Variants in FBXL17 observed in about 807,000 individuals in gnomAD.
FBXL17 encodes the protein F-box and leucine rich repeat protein 17.
In FBXL17, 22 loss-of-function variants were observed where a neutral mutation model predicts 66.2. The ratio of observed to expected loss-of-function variants is 0.33; its 90% CI spans 0.24 to 0.47. The LOEUF is 0.47. FBXL17 is among the 20% of genes least tolerant of loss of function. The pLI, the probability that FBXL17 is intolerant of heterozygous loss-of-function variation, is 1.00. For missense variants in FBXL17, 878 were observed against 948.2 expected, an observed-to-expected ratio of 0.93 and a Z score of 0.97; for synonymous variants, 474 against 400.5, an observed-to-expected ratio of 1.18 and a Z score of -2.19.
chr5:108,322,130 C>A (rs1323946950), intron 4 of FBXL17, among the ~76,000 whole-genome samples: 1 of 151,892 alleles, frequency 6.6e-6, no homozygotes, highest in Non-Finnish European at 1.5e-5. Context: ...CTAAGGAAGG[C>A]AATCTGGCAA....
intron 7 of FBXL17, among the ~76,000 whole-genome samples, chr5:107,921,587 T>A (rs150797855): frequency 1.5e-3 from 221 of 152,294 alleles, no homozygotes; most frequent in African/African-American, 3.4e-3. Flanking sequence ...CAACATTTTC[T>A]TACTTACTGT....
chr5:108,228,366 C>G (rs968594827), intron 4 of FBXL17, among the ~76,000 whole-genome samples: 7 of 152,170 alleles, frequency 4.6e-5, no homozygotes, highest in African/African-American at 1.7e-4. Context: ...CTACTGGGAC[C>G]CTGGAGTCTC....
intron 8 of FBXL17, among the ~76,000 whole-genome samples, chr5:107,871,166 A>T (rs895231369): frequency 1.3e-5 from 2 of 151,958 alleles, no homozygotes; most frequent in Non-Finnish European, 2.9e-5. Context: ...AATTCAGTCA[A>T]CTTTGTCAAA....
At chr5:108,333,246 T>C (rs1301715941) in intron 4 of FBXL17, among the ~76,000 whole-genome samples, 2 of 150,962 alleles carry the variant, frequency 1.3e-5, no homozygotes, top group Admixed American at 6.6e-5. Flanking sequence ...AGACAAATAT[T>C]AATGTGAAGA....
chr5:107,958,154 A>G (rs2112621136), intron 7 of FBXL17, among the ~76,000 whole-genome samples: 1 of 152,136 alleles, frequency 6.6e-6, no homozygotes, highest in Admixed American at 6.6e-5. Context: ...AAAAAAAAGA[A>G]ACATGAGTAA....
chr5:108,018,919 T>C (rs965135133), intron 7 of FBXL17, among the ~76,000 whole-genome samples: 4 of 152,172 alleles, frequency 2.6e-5, no homozygotes, highest in Non-Finnish European at 5.9e-5. Flanking sequence ...CGTCAATATG[T>C]TTTAGAAACT....
chr5:108,163,403 T>TC (rs1554071055), intron 6 of FBXL17, among the ~76,000 whole-genome samples: 1 of 71,920 alleles, frequency 1.4e-5, no homozygotes, highest in Non-Finnish European at 3.8e-5. Context: ...TTTTTTCTTT[T>TC]TTTTTTTTTT....
chr5:107,873,319 T>TCC lies in FBXL17; in HGVS notation c.1965+7717_1965+7718insGG, dbSNP rs1363831242. 5.4e-3 allele frequency among the ~76,000 whole-genome samples: 822 copies of TCC among 152,276 alleles called. 10 individuals are homozygous for TCC. The highest frequency in any genetic ancestry group is 0.019 in the African/African-American group (790 of 41,562). ...CCAAGAGGCTGCAGGCCCCATGGGG[T>TCC]AGGGAGTATATCTTGTTCACTGTTT... On this transcript the variant is annotated intron_variant, in intron 8 of 8. Transcript: ENST00000542267.
Position 108,243,821 on chromosome 5 carries a change from G to A in FBXL17, c.1507-19593C>T, listed in dbSNP as rs563586149. ...ATATCATGTGTTATATACAAAAATA[G>A]AAAAACCAGAAATAGTATATACAAT... On this transcript the variant is annotated intron_variant, in intron 4 of 8. Transcript: ENST00000542267. Among the ~76,000 whole-genome samples, 9 of 152,154 alleles carry A rather than the reference G, an allele frequency of 5.9e-5. No homozygotes were observed. In the South Asian group the frequency reaches 1.9e-3, roughly 32 times the overall value.
At chr5:108,047,362 C>A (rs962603338) in intron 6 of FBXL17, among the ~76,000 whole-genome samples, 1 of 152,198 alleles carries the variant, frequency 6.6e-6, no homozygotes, top group African/African-American at 2.4e-5. Flanking sequence ...AGGGTCCCAA[C>A]CCCAGAGTGA....
intron 7 of FBXL17, among the ~76,000 whole-genome samples, chr5:107,971,254 T>C (rs1176342090): frequency 6.6e-6 from 1 of 152,174 alleles, no homozygotes; most frequent in African/African-American, 2.4e-5. Flanking sequence ...CTACCAGCTA[T>C]CTCATTCTGT....
intron 6 of FBXL17, among the ~76,000 whole-genome samples, chr5:108,043,402 T>C (rs1390843221): frequency 1.3e-5 from 2 of 152,194 alleles, no homozygotes; most frequent in Admixed American, 6.5e-5. Context: ...AGTTCATTTT[T>C]ATATAAGCTA....
chr5:108,273,508 G>A (rs1289569420), intron 4 of FBXL17, among the ~76,000 whole-genome samples: 1 of 151,912 alleles, frequency 6.6e-6, no homozygotes, highest in African/African-American at 2.4e-5. Context: ...ATAAATGAGG[G>A]AGAAACTATT....
intron 7 of FBXL17, among the ~76,000 whole-genome samples, chr5:107,892,586 G>A (rs1020091332): frequency 1.3e-5 from 2 of 152,050 alleles, no homozygotes; most frequent in African/African-American, 4.8e-5. Flanking sequence ...ATTTCCTACA[G>A]TGAGTTTTCT....
chr5:108,252,078 T>C (rs916993222), intron 4 of FBXL17, among the ~76,000 whole-genome samples: 3 of 152,150 alleles, frequency 2.0e-5, no homozygotes, highest in Non-Finnish European at 2.9e-5. Flanking sequence ...AGAAGTGGAA[T>C]TGCTGAGTCT....
chr5:108,250,883 T>C (rs1365430611), intron 4 of FBXL17, among the ~76,000 whole-genome samples: 3 of 152,068 alleles, frequency 2.0e-5, no homozygotes, highest in Admixed American at 6.6e-5. Context: ...TAAAATATCT[T>C]GGGGAACCTT....
intron 6 of FBXL17, among the ~76,000 whole-genome samples, chr5:108,119,097 C>A (rs1300231350): frequency 1.3e-5 from 2 of 152,114 alleles, no homozygotes; most frequent in Non-Finnish European, 1.5e-5. Context: ...AAGACTGGAA[C>A]AACATGGAGG....
At chr5:107,918,395 A>G (rs981857656) in intron 7 of FBXL17, among the ~76,000 whole-genome samples, 9 of 152,240 alleles carry the variant, frequency 5.9e-5, no homozygotes, top group African/African-American at 2.2e-4. Flanking sequence ...TCAAATGTAC[A>G]GAGAGTTTTT....
intron 5 of FBXL17, among the ~76,000 whole-genome samples, chr5:108,202,628 G>A (rs563858034): frequency 6.2e-4 from 95 of 152,226 alleles, no homozygotes; most frequent in African/African-American, 2.2e-3. Flanking sequence ...GTAACAGGTA[G>A]GTAGCATATA....
Sources: allele counts gnomAD v4.1 joint callset (sites outside exome capture counted in the v4.1 genomes callset), GRCh38; gene constraint gnomAD v4.1.1; transcripts MANE v1.5; gene names NCBI Gene and HGNC (gene_info 2026-07-23, HGNC 2026-07-21).